Variants in VPS13B observed in about 807,000 individuals in gnomAD.
VPS13B encodes the protein vacuolar protein sorting 13 homolog B.
Under a neutral mutation model 426.4 loss-of-function variants are expected in VPS13B, and 285 were observed. The observed-to-expected ratio is 0.67, with a 90% CI of 0.61 to 0.74. VPS13B has a LOEUF of 0.74. Ranked by LOEUF, VPS13B falls within the 30% of genes least tolerant of loss-of-function variation. VPS13B has a pLI of 0.00. For missense variants in VPS13B, 4,537 were observed against 4,782.6 expected, an observed-to-expected ratio of 0.95 and a Z score of 1.51; for synonymous variants, 1,676 against 1,676.4, an observed-to-expected ratio of 1.00 and a Z score of 0.01.
chr8:99,411,178 C>T (rs1216379064), intron 21 of VPS13B, among the ~76,000 whole-genome samples: 1 of 152,182 alleles, frequency 6.6e-6, no homozygotes, highest in East Asian at 1.9e-4. Flanking sequence ...GCACTCCCAT[C>T]AATGGTGTAA....
At chr8:99,111,710 A>C (rs533387279) in intron 6 of VPS13B, among the ~76,000 whole-genome samples, 1 of 152,078 alleles carries the variant, frequency 6.6e-6, no homozygotes, top group East Asian at 1.9e-4. Flanking sequence ...ATACTAACCT[A>C]ATAGTTTATT....
intron 33 of VPS13B, among the ~76,000 whole-genome samples, chr8:99,585,218 A>T (rs1195068006): frequency 6.6e-6 from 1 of 152,196 alleles, no homozygotes; most frequent in East Asian, 1.9e-4. Context: ...GCAGGGAAAT[A>T]ATGGAAGATA....
rs746396905 is a variant in VPS13B, at chr8:99,784,428, GAGTCTCCAC to G, written c.7898_7906del (p.Leu2633_Ser2635del). On this transcript the variant is annotated inframe_deletion, in exon 43 of 62. Transcript: ENST00000357162. ...ATACTGATGAAAATATTCTGCTGGC[GAGTCTCCAC>G]AGTCACCAGTACAGCTGGCGCTCTC... is the stretch of plus-strand genomic sequence containing the variant. The G allele has an allele frequency of 1.9e-6, 3 of 1,613,678 alleles. No individual in the cohort carries two copies. Among genetic ancestry groups the G allele is most frequent in the Non-Finnish European group, 2.5e-6 (3 of 1,179,686 alleles).
At chr8:99,270,152 TTTTTTG>T (rs1487196044) in intron 17 of VPS13B, among the ~76,000 whole-genome samples, 2 of 120,374 alleles carry the variant, frequency 1.7e-5, no homozygotes, top group Non-Finnish European at 3.4e-5. Flanking sequence ...TTTTTTTTTT[TTTTTTG>T]AGACAGAGTC....
chr8:99,211,481 C>T (rs1563605730), intron 17 of VPS13B, among the ~76,000 whole-genome samples: 2 of 152,124 alleles, frequency 1.3e-5, no homozygotes, highest in Admixed American at 6.5e-5. Context: ...TCAGGATTTC[C>T]AAGGATCCTT....
intron 43 of VPS13B, among the ~76,000 whole-genome samples, chr8:99,788,214 A>T (rs2130715388): frequency 6.6e-6 from 1 of 151,772 alleles, no homozygotes; most frequent in South Asian, 2.1e-4. Context: ...TTAAAAATTT[A>T]AAAATCTAAA....
Position 99,717,281 on chromosome 8 carries a change from C to A in VPS13B, c.6565C>A (p.Leu2189Met), listed in dbSNP as rs1299494623. 2 of 1,614,040 alleles carry A rather than the reference C, an allele frequency of 1.2e-6. No homozygotes were observed. The highest frequency in any genetic ancestry group is 1.7e-5 in the Admixed American group (1 of 60,000). Residue 2189 changes from leucine (L) to methionine (M), a missense_variant, in exon 37 of 62, where the codon CTG becomes ATG. This residue lies in a region of VPS13B where 4,311 missense variants were observed against 4,474.3 expected (regional missense o/e 0.96). Coordinates refer to ENST00000357162, the MANE Select transcript of VPS13B (RefSeq NM_152564.5). ...LIGPCCATAN[L>M]EAKWCKHSGN... ...AGGACCATGTTGTGCTACTGCCAAT[C>A]TGGAAGCTAAGTGGTGTAAACACAG...
rs371231120 is a variant in VPS13B, at chr8:99,496,425, G to A, written c.3871-5262G>A. Reference sequence around the variant, plus strand: ...CCAGCACTTTGGGAGGCTGAGGCGGGTAGATCACGAGGTCAGGAGATCGAG... The same window carrying A: ...CCAGCACTTTGGGAGGCTGAGGCGGATAGATCACGAGGTCAGGAGATCGAG... On this transcript the variant is annotated intron_variant, in intron 25 of 61. Transcript: ENST00000357162. Among the ~76,000 whole-genome samples, 13 of 152,272 alleles carry A rather than the reference G, an allele frequency of 8.5e-5. 2 individuals carry two copies. Among genetic ancestry groups the A allele is most frequent in the African/African-American group, 3.1e-4 (13 of 41,554 alleles).
intron 30 of VPS13B, among the ~76,000 whole-genome samples, chr8:99,533,277 T>G (rs1357120819): frequency 6.6e-6 from 1 of 152,170 alleles, no homozygotes; most frequent in Non-Finnish European, 1.5e-5. Context: ...TTACTAAAAA[T>G]TAAGTATCTT....
chr8:99,122,167 A>C (rs1298265052), intron 8 of VPS13B, among the ~76,000 whole-genome samples: 1 of 151,568 alleles, frequency 6.6e-6, no homozygotes, highest in Non-Finnish European at 1.5e-5. Context: ...CCTCATAACA[A>C]ATTTTTTTTT....
Position 99,117,515 on chromosome 8 carries a change from A to G in VPS13B, c.937+1641A>G, listed in dbSNP as rs1212002259. On this transcript the variant is annotated intron_variant, in intron 7 of 61. Transcript: ENST00000357162. ...ATGAAATGTTCATGGTAACATATTC[A>G]TAGTAGCCAAAAACTGGACACAATT... Among the ~76,000 whole-genome samples the G allele has an allele frequency of 4.6e-5, 7 of 152,236 alleles. No individual in the cohort carries two copies. The South Asian group carries it at 6.2e-4, about 13-fold the overall frequency.
intron 31 of VPS13B, among the ~76,000 whole-genome samples, chr8:99,568,359 C>T (rs987613580): frequency 8.0e-5 from 12 of 150,174 alleles, no homozygotes; most frequent in African/African-American, 2.7e-4. Context: ...GGTGCAATCT[C>T]GTCTCACTGC....
chr8:99,718,748 C>T (rs1464073636), intron 37 of VPS13B, among the ~76,000 whole-genome samples: 1 of 151,204 alleles, frequency 6.6e-6, no homozygotes, highest in Non-Finnish European at 1.5e-5. Flanking sequence ...CTCACTGCAG[C>T]TTCAGCCTCC....
At chr8:99,335,998 G>C (rs1201239266) in intron 19 of VPS13B, among the ~76,000 whole-genome samples, 1 of 152,122 alleles carries the variant, frequency 6.6e-6, no homozygotes, top group Admixed American at 6.5e-5. Flanking sequence ...TTTCTTCACA[G>C]AATTGGAAAA....
intron 38 of VPS13B, 61 bp downstream of exon 38, chr8:99,720,613 ATGTTG>A: frequency 6.5e-7 from 1 of 1,535,588 alleles, no homozygotes; most frequent in Non-Finnish European, 9.0e-7. Flanking sequence ...TTTTAAATGC[ATGTTG>A]ACTAAATAAA....
intron 16 of VPS13B, among the ~76,000 whole-genome samples, chr8:99,173,818 G>A (rs1812487016): frequency 6.6e-6 from 1 of 152,160 alleles, no homozygotes; most frequent in South Asian, 2.1e-4. Context: ...CAAATTTCTT[G>A]CCTAAGACCA....
chr8:99,052,720 G>T (rs1378708212), intron 3 of VPS13B, among the ~76,000 whole-genome samples: 1 of 152,056 alleles, frequency 6.6e-6, no homozygotes, highest in African/African-American at 2.4e-5. Flanking sequence ...CCTGTTATTG[G>T]TCTATTCAGA....
intron 40 of VPS13B, among the ~76,000 whole-genome samples, chr8:99,767,673 A>G (rs1455232194): frequency 6.6e-6 from 1 of 152,166 alleles, no homozygotes; most frequent in Non-Finnish European, 1.5e-5. Context: ...TCGCAGTTGT[A>G]ATCCCAGCAC....
chr8:99,208,025 G>A (rs1470381291), intron 17 of VPS13B, among the ~76,000 whole-genome samples: 1 of 152,120 alleles, frequency 6.6e-6, no homozygotes, highest in African/African-American at 2.4e-5. Context: ...TATTTGTGAG[G>A]GCTGTTTACA....
Sources: gnomAD v4.1 joint callset for allele counts (sites outside exome capture counted in the v4.1 genomes callset) on GRCh38, gnomAD v4.1.1 for gene constraint, gnomAD v4.1.1 regional missense constraint, MANE v1.5 for transcripts, NCBI Gene and HGNC (gene_info 2026-07-23, HGNC 2026-07-21) for gene names.